GALNT13: variants seen among roughly 807,000 people sequenced by gnomAD.
GALNT13 encodes the protein UDP-GalNAc:polypeptide N-acetylgalactosaminyltransferase 13.
In GALNT13, 28 loss-of-function variants were observed where a neutral mutation model predicts 64.2. That is an observed-to-expected ratio of 0.44 (90% CI 0.32 to 0.60). The LOEUF is 0.60. Ranked by LOEUF, GALNT13 falls within the 20% of genes least tolerant of loss-of-function variation. The probability of loss-of-function intolerance (pLI) is 0.05; values close to 1 mark genes in which losing one functional copy is unlikely to be tolerated. For synonymous variants in GALNT13, 214 were observed against 224.6 expected, an observed-to-expected ratio of 0.95 and a Z score of 0.42; for missense variants, 577 against 669.8, an observed-to-expected ratio of 0.86 and a Z score of 1.53.
At chr2:153,201,754 C>T in the GALNT13 span, 1 of 152,198 alleles carries the variant, frequency 6.6e-6, no homozygotes. Context: ...GGCGCCCCAC[C>T]AGGTGGGCAC....
At chr2:154,004,520 C>T (rs1696123855) in intron 3 of GALNT13, among the ~76,000 whole-genome samples, 1 of 152,070 alleles carries the variant, frequency 6.6e-6, no homozygotes, top group Non-Finnish European at 1.5e-5. Context: ...AAATTTAATA[C>T]ATTGAAGGAG....
chr2:153,726,222 G>A, the GALNT13 span, among the ~76,000 whole-genome samples: 1 of 152,020 alleles, frequency 6.6e-6, no homozygotes, highest in African/African-American at 2.4e-5. Context: ...TTACATATTA[G>A]TTATTCAAAA....
At chr2:153,263,050 T>G in the GALNT13 span, among the ~76,000 whole-genome samples, 7 of 152,028 alleles carry the variant, frequency 4.6e-5, no homozygotes, top group African/African-American at 1.7e-4. Flanking sequence ...GAAAACTCCA[T>G]CATCTCAACC....
At chr2:153,880,328 T>C (rs1458965303) in intron 1 of GALNT13, among the ~76,000 whole-genome samples, 1 of 152,178 alleles carries the variant, frequency 6.6e-6, no homozygotes, top group Non-Finnish European at 1.5e-5. Context: ...TATTTTTGTT[T>C]AATACACTAA....
intron 3 of GALNT13, among the ~76,000 whole-genome samples, chr2:154,084,654 G>C (rs1490526402): frequency 6.6e-6 from 1 of 151,904 alleles, no homozygotes; most frequent in Non-Finnish European, 1.5e-5. Flanking sequence ...TTGTGTCTTA[G>C]TTAAAATAAT....
At chr2:154,125,306 G>C (rs1341572080) in intron 3 of GALNT13, among the ~76,000 whole-genome samples, 2 of 152,104 alleles carry the variant, frequency 1.3e-5, no homozygotes, top group African/African-American at 4.8e-5. Context: ...TAGAGCTATG[G>C]AATATGTTAA....
the GALNT13 span, among the ~76,000 whole-genome samples, chr2:153,747,782 T>C: frequency 6.6e-6 from 1 of 152,124 alleles, no homozygotes; most frequent in Non-Finnish European, 1.5e-5. Flanking sequence ...ATGTTTGTCT[T>C]TCTGTGCCTG....
intron 9 of GALNT13, among the ~76,000 whole-genome samples, chr2:154,302,810 T>C (rs1379200208): frequency 6.6e-6 from 1 of 152,136 alleles, no homozygotes; most frequent in Non-Finnish European, 1.5e-5. Context: ...GTTCTTATTA[T>C]ACAGATGAAG....
chr2:153,576,033 C>A, the GALNT13 span, among the ~76,000 whole-genome samples: 1 of 152,092 alleles, frequency 6.6e-6, no homozygotes, highest in Non-Finnish European at 1.5e-5. Context: ...CAGGGTGTGT[C>A]TAGGAATGCC....
intron 11 of GALNT13, among the ~76,000 whole-genome samples, chr2:154,432,614 A>T (rs1700760270): frequency 2.0e-5 from 3 of 152,140 alleles, no homozygotes; most frequent in South Asian, 4.1e-4. Flanking sequence ...CCTAAGGGAG[A>T]ATCATCTTTT....
chr2:154,148,758 GT>G (rs2105610513), intron 4 of GALNT13, among the ~76,000 whole-genome samples: 1 of 152,218 alleles, frequency 6.6e-6, no homozygotes, highest in East Asian at 1.9e-4. Context: ...CCTTCGCCCA[GT>G]TTTTGATGGG....
the GALNT13 span, among the ~76,000 whole-genome samples, chr2:153,281,036 G>A: frequency 6.6e-6 from 1 of 152,116 alleles, no homozygotes; most frequent in African/African-American, 2.4e-5. Context: ...ATGGATCTGG[G>A]TGCTCTAATG....
chr2:153,370,554 A>G, the GALNT13 span: 2 of 152,202 alleles, frequency 1.3e-5, no homozygotes, highest in African/African-American at 2.4e-5. Context: ...GACTTAGTAG[A>G]AAATAAAATA....
At chr2:153,378,281 T>C in the GALNT13 span, among the ~76,000 whole-genome samples, 3 of 149,286 alleles carry the variant, frequency 2.0e-5, no homozygotes, top group Non-Finnish European at 4.4e-5. Context: ...GATAGATAGA[T>C]AGATAGATAG....
At chr2:153,747,012 C>T in the GALNT13 span, among the ~76,000 whole-genome samples, 4 of 151,916 alleles carry the variant, frequency 2.6e-5, no homozygotes, top group South Asian at 4.2e-4. Flanking sequence ...ATTTATGGCA[C>T]GAATGTCTTC....
At chr2:154,298,725 T>TAATA (rs1429511931) in intron 8 of GALNT13, among the ~76,000 whole-genome samples, 14 of 97,902 alleles carry the variant, frequency 1.4e-4, no homozygotes, top group African/African-American at 5.2e-4. Context: ...ATAAATTATA[T>TAATA]TATTTATATA....
At chr2:154,329,919 T>G (rs1464992142) in intron 9 of GALNT13, among the ~76,000 whole-genome samples, 1 of 152,096 alleles carries the variant, frequency 6.6e-6, no homozygotes, top group African/African-American at 2.4e-5. Context: ...AGAAATAGAT[T>G]CTGGTGTAAT....
chr2:153,386,216 C>G, the GALNT13 span, among the ~76,000 whole-genome samples: 1 of 151,986 alleles, frequency 6.6e-6, no homozygotes, highest in Non-Finnish European at 1.5e-5. Flanking sequence ...GAAAATCAAT[C>G]TTAAACTAAT....
At chr2:153,320,222 C>T in the GALNT13 span, among the ~76,000 whole-genome samples, 13 of 152,130 alleles carry the variant, frequency 8.5e-5, no homozygotes, top group East Asian at 5.8e-4. Flanking sequence ...ATATTTTTTA[C>T]GTGTTTTAAT....
Sources: allele counts gnomAD v4.1 joint callset (sites outside exome capture counted in the v4.1 genomes callset), GRCh38; gene constraint gnomAD v4.1.1; transcripts MANE v1.5; gene names NCBI Gene and HGNC (gene_info 2026-07-23, HGNC 2026-07-21).